LSAMP: variants seen among roughly 807,000 people sequenced by gnomAD.
The protein encoded by LSAMP is limbic system associated membrane protein, also known as limbic system-associated membrane protein.
In LSAMP, 7 loss-of-function variants were observed where a neutral mutation model predicts 38.6. The observed-to-expected ratio is 0.18, with a 90% CI of 0.10 to 0.34. LSAMP has a LOEUF of 0.34. LSAMP is among the 10% of genes least tolerant of loss of function. LSAMP has a pLI of 1.00. For missense variants in LSAMP, 313 were observed against 420.0 expected, an observed-to-expected ratio of 0.75 and a Z score of 2.23; for synonymous variants, 154 against 166.8, an observed-to-expected ratio of 0.92 and a Z score of 0.59.
Position 116,086,339 on chromosome 3 carries a change from A to G in LSAMP, c.373T>C (p.Tyr125His). 1.2e-6 allele frequency: 2 copies of G among 1,614,098 alleles called. No homozygotes were observed. Among genetic ancestry groups the G allele is most frequent in the Non-Finnish European group, 1.7e-6 (2 of 1,179,952 alleles). The change falls in exon 2 of 7, where the codon TAC becomes CAC. Residue 125 changes from tyrosine (Y) to histidine (H), a missense_variant. Transcript: ENST00000490035. ...CTTTCCTTACCTTGTACGATCAAGT[A>G]AACTTGGGAGGTCTTGGGCTCATGC... is the stretch of plus-strand genomic sequence containing the variant. ...TQHEPKTSQV[Y>H]LIVQVPPKIS...
At chr3:116,211,742 AGTC>A (rs1299885090) in intron 1 of LSAMP, among the ~76,000 whole-genome samples, 1 of 152,224 alleles carries the variant, frequency 6.6e-6, no homozygotes, top group Admixed American at 6.5e-5. Flanking sequence ...TAAAAGAACT[AGTC>A]AGTCTGGCAA....
chr3:116,366,262 A>T (rs1032697026), intron 1 of LSAMP, among the ~76,000 whole-genome samples: 1 of 152,076 alleles, frequency 6.6e-6, no homozygotes, highest in Non-Finnish European at 1.5e-5. Context: ...CAAACATAGG[A>T]AGTAACTTTT....
intron 1 of LSAMP, among the ~76,000 whole-genome samples, chr3:116,166,877 A>G (rs1298223395): frequency 2.1e-5 from 3 of 141,564 alleles, no homozygotes; most frequent in Non-Finnish European, 4.5e-5. Flanking sequence ...TGCAAGCTGC[A>G]CCTCCTGGGT....
intron 3 of LSAMP, among the ~76,000 whole-genome samples, chr3:115,859,995 C>T (rs1319346380): frequency 6.6e-6 from 1 of 152,168 alleles, no homozygotes; most frequent in East Asian, 1.9e-4. Flanking sequence ...GGGGATTGTA[C>T]TGAGAATAGC....
intron 1 of LSAMP, among the ~76,000 whole-genome samples, chr3:116,400,182 T>G (rs2048819927): frequency 6.6e-6 from 1 of 152,126 alleles, no homozygotes. Context: ...TTTGTACTAT[T>G]AGGCTTTAGT....
At chr3:116,430,476 T>G (rs934733323) in intron 1 of LSAMP, among the ~76,000 whole-genome samples, 1 of 152,176 alleles carries the variant, frequency 6.6e-6, no homozygotes, top group South Asian at 2.1e-4. Context: ...GTTTTTATTT[T>G]AATAATATTT....
At chr3:115,910,832 A>T (rs1937118308) in intron 3 of LSAMP, among the ~76,000 whole-genome samples, 1 of 152,198 alleles carries the variant, frequency 6.6e-6, no homozygotes, top group Non-Finnish European at 1.5e-5. Flanking sequence ...TTTCAGCATA[A>T]GTCACTGGAG....
chr3:115,859,932 C>T (rs1241755112), intron 3 of LSAMP, among the ~76,000 whole-genome samples: 1 of 152,270 alleles, frequency 6.6e-6, no homozygotes, highest in South Asian at 2.1e-4. Context: ...AACTGCCCTG[C>T]CCTTCTAAAT....
intron 1 of LSAMP, among the ~76,000 whole-genome samples, chr3:116,383,079 C>G (rs748823838): frequency 2.0e-5 from 3 of 152,124 alleles, no homozygotes; most frequent in Non-Finnish European, 2.9e-5. Flanking sequence ...CCCTTCACTA[C>G]GTGCTATATT....
chr3:115,994,014 T>C (rs1212435829), intron 3 of LSAMP, among the ~76,000 whole-genome samples: 3 of 152,210 alleles, frequency 2.0e-5, no homozygotes, highest in East Asian at 1.9e-4. Context: ...ATGGTGGAAG[T>C]TGGGAAAAAG....
chr3:116,116,572 C>G (rs892960904), intron 1 of LSAMP, among the ~76,000 whole-genome samples: 1 of 150,396 alleles, frequency 6.6e-6, no homozygotes, highest in Non-Finnish European at 1.5e-5. Flanking sequence ...AAAAAACTAG[C>G]TGGGCGTGGT....
intron 2 of LSAMP, among the ~76,000 whole-genome samples, chr3:116,031,520 A>ACATAACTAG (rs1455535882): frequency 1.6e-5 from 2 of 126,720 alleles, no homozygotes; most frequent in African/African-American, 6.0e-5. Context: ...TTTCATGCCT[A>ACATAACTAG]CATAACTAGC....
chr3:116,269,397 G>GAGAGT (rs2046939980), intron 1 of LSAMP, among the ~76,000 whole-genome samples: 1 of 152,036 alleles, frequency 6.6e-6, no homozygotes. Context: ...AAGCATTTAA[G>GAGAGT]AGAGTACTCA....
chr3:116,256,805 G>GGGAT (rs1559801771), intron 1 of LSAMP, among the ~76,000 whole-genome samples: 1 of 151,474 alleles, frequency 6.6e-6, no homozygotes, highest in Non-Finnish European at 1.5e-5. Context: ...GAGGAGGAGA[G>GGGAT]AGGATGAATC....
At chr3:116,329,695 T>C (rs1406667836) in intron 1 of LSAMP, among the ~76,000 whole-genome samples, 1 of 152,090 alleles carries the variant, frequency 6.6e-6, no homozygotes. Flanking sequence ...TATGATATAA[T>C]GATAAAAACT....
rs75452229 is a variant in LSAMP, at chr3:116,178,975, A to C, written c.156-92419T>G. ...TTTAATCACTTTACATTTCATGTGA[A>C]GATATTGTATCCCACTGCCTCTGCA... On this transcript the variant is annotated intron_variant, in intron 1 of 6. Transcript: ENST00000490035. Among the ~76,000 whole-genome samples the C allele has an allele frequency of 3.4e-3, 510 of 152,164 alleles. 1 individual carries two copies. Among genetic ancestry groups the C allele is most frequent in the Non-Finnish European group, 5.6e-3 (380 of 67,990 alleles).
intron 1 of LSAMP, among the ~76,000 whole-genome samples, chr3:116,408,893 T>C (rs2048934499): frequency 6.6e-6 from 1 of 152,052 alleles, no homozygotes; most frequent in African/African-American, 2.4e-5. Context: ...AAGGAATTCC[T>C]CATTAAGTAT....
intron 3 of LSAMP, among the ~76,000 whole-genome samples, chr3:115,994,965 TA>T (rs1939774486): frequency 6.6e-6 from 1 of 152,074 alleles, no homozygotes; most frequent in East Asian, 1.9e-4. Flanking sequence ...CGTGAGAATG[TA>T]GATGCTGGGC....
chr3:115,981,444 T>G (rs1939358035), intron 3 of LSAMP, among the ~76,000 whole-genome samples: 1 of 152,196 alleles, frequency 6.6e-6, no homozygotes, highest in Non-Finnish European at 1.5e-5. Flanking sequence ...ACTGTATCTT[T>G]TGAAAGCTAC....
Sources: gnomAD v4.1 joint callset for allele counts (sites outside exome capture counted in the v4.1 genomes callset) on GRCh38, gnomAD v4.1.1 for gene constraint, MANE v1.5 for transcripts, NCBI Gene and HGNC (gene_info 2026-07-23, HGNC 2026-07-21) for gene names.